Variants in LMO7 observed in about 807,000 individuals in gnomAD.
LMO7 encodes LIM domain 7, also known as LIM domain only protein 7.
LMO7 carries 120 observed loss-of-function variants against 206.5 expected under a neutral mutation model. The observed-to-expected ratio is 0.58, with a 90% CI of 0.50 to 0.68. LMO7 has a LOEUF of 0.68. LMO7 is among the 30% of genes least tolerant of loss of function. LMO7 has a pLI of 0.00. For synonymous variants in LMO7, 706 were observed against 681.5 expected, an observed-to-expected ratio of 1.04 and a Z score of -0.56; for missense variants, 1,959 against 1,957.9, an observed-to-expected ratio of 1.00 and a Z score of -0.01.
intron 1 of LMO7, among the ~76,000 whole-genome samples, chr13:75,673,564 A>G (rs998850462): frequency 6.6e-6 from 1 of 152,182 alleles, no homozygotes; most frequent in Non-Finnish European, 1.5e-5. Context: ...CATTATACTG[A>G]GGATGGACCT....
chr13:75,658,689 T>C (rs1374328625), intron 1 of LMO7, among the ~76,000 whole-genome samples: 3 of 152,116 alleles, frequency 2.0e-5, no homozygotes, highest in African/African-American at 7.2e-5. Context: ...CCTCACACCA[T>C]TCTCCTGCCT....
At position 75,636,580 on chromosome 13, in the gene LMO7, C is replaced by T; in HGVS notation, c.-78C>T. On this transcript the variant is annotated 5_prime_UTR_variant, in exon 1 of 31. Coordinates refer to ENST00000377534, the MANE Select transcript of LMO7 (RefSeq NM_001306080.2). ...TGGGAGGCCCGCGTGCCCTCCCCGCCCGTGGGGCCCAGACGCGCGGGGACA... is the reference window on the plus strand; with the variant it reads ...TGGGAGGCCCGCGTGCCCTCCCCGCTCGTGGGGCCCAGACGCGCGGGGACA... The T allele has an allele frequency of 6.5e-7, 1 of 1,539,222 alleles. No homozygotes were observed. Among genetic ancestry groups the T allele is most frequent in the Non-Finnish European group, 8.7e-7 (1 of 1,146,272 alleles).
At chr13:75,715,036 A>G (rs1305584609) in intron 2 of LMO7, among the ~76,000 whole-genome samples, 2 of 152,216 alleles carry the variant, frequency 1.3e-5, no homozygotes, top group Non-Finnish European at 2.9e-5. Context: ...TCTTTCAAAG[A>G]AGTAATTTTG....
chr13:75,726,295 A>C (rs2044469045), intron 2 of LMO7, among the ~76,000 whole-genome samples: 1 of 152,070 alleles, frequency 6.6e-6, no homozygotes, highest in African/African-American at 2.4e-5. Context: ...ATTTAGAAGC[A>C]AAATCGTACT....
chr13:75,652,545 A>T (rs2037682133), intron 1 of LMO7, among the ~76,000 whole-genome samples: 1 of 151,710 alleles, frequency 6.6e-6, no homozygotes, highest in Non-Finnish European at 1.5e-5. Context: ...ACTTAAATTC[A>T]TGCTGCCACT....
intron 7 of LMO7, 144 bp from the exon 8 acceptor site, chr13:75,804,145 C>G (rs1383316227): frequency 1.2e-6 from 1 of 814,312 alleles, no homozygotes; most frequent in East Asian, 2.5e-5. Flanking sequence ...ATCACAACTT[C>G]GTGACAAATT....
intron 27 of LMO7, among the ~76,000 whole-genome samples, chr13:75,851,669 G>A (rs1336581376): frequency 2.0e-5 from 3 of 152,172 alleles, no homozygotes; most frequent in African/African-American, 7.2e-5. Flanking sequence ...GTTCATTTTT[G>A]TAGGTAGTAC....
chr13:75,856,543 C>G lies in LMO7; in HGVS notation c.4808C>G (p.Ser1603Ter). ...GAGTGTGACCTCGGAGGCTCTTCCT[C>G]AGGAGCTGAAGTCAGGATCAGAAAC... ...ACECDLGGSS[S>*]GAEVRIRNHQ... Residue 1603 changes from serine to a stop codon, truncating the protein, a stop_gained, in exon 30 of 31, where the codon TCA (serine) becomes TGA (stop). Transcript: ENST00000377534. LOFTEE classifies it high-confidence loss of function. 6.2e-7 allele frequency: 1 copy of G among 1,612,142 alleles called. No individual in the cohort carries two copies. Among genetic ancestry groups the G allele is most frequent in the Non-Finnish European group, 8.5e-7 (1 of 1,178,612 alleles).
chr13:75,845,540 A>G (rs2059920511), intron 26 of LMO7, among the ~76,000 whole-genome samples, 161 bp downstream of exon 26: 1 of 152,204 alleles, frequency 6.6e-6, no homozygotes, highest in Non-Finnish European at 1.5e-5. Flanking sequence ...CAAAACAACT[A>G]TCTTGTGTTT....
chr13:75,693,964 C>T (rs1374764728), intron 1 of LMO7, among the ~76,000 whole-genome samples: 1 of 151,988 alleles, frequency 6.6e-6, no homozygotes, highest in Non-Finnish European at 1.5e-5. Flanking sequence ...ATGCCTTGAG[C>T]AGTAGTCTGT....
intron 3 of LMO7, among the ~76,000 whole-genome samples, chr13:75,737,792 A>AAAC (rs1555305784): frequency 2.3e-4 from 29 of 125,850 alleles, no homozygotes; most frequent in African/African-American, 7.4e-4. Flanking sequence ...TAAAAAAAAA[A>AAAC]AAAAAAAAAC....
chr13:75,786,497 C>T (rs1337169060), intron 4 of LMO7, among the ~76,000 whole-genome samples: 1 of 151,946 alleles, frequency 6.6e-6, no homozygotes, highest in Non-Finnish European at 1.5e-5. Flanking sequence ...GCCTCAGCCT[C>T]CCGAGTAGCT....
chr13:75,759,967 A>G (rs554517876), intron 3 of LMO7, among the ~76,000 whole-genome samples: 1 of 152,010 alleles, frequency 6.6e-6, no homozygotes, highest in Non-Finnish European at 1.5e-5. Flanking sequence ...CTGGGAGGCC[A>G]CCCCTTTACC....
intron 9 of LMO7, chr13:75,806,151 C>T (rs534918424): frequency 1.2e-5 from 12 of 1,003,556 alleles, no homozygotes; most frequent in Admixed American, 1.1e-4. Flanking sequence ...ATAGGCTAGA[C>T]GGCAACTGCC....
At chr13:75,796,609 T>C in intron 5 of LMO7, 27 bp from the exon 6 acceptor site, 1 of 1,401,360 alleles carries the variant, frequency 7.1e-7, no homozygotes, top group Non-Finnish European at 1.0e-6. Context: ...ACTGATCTTG[T>C]TGTTCATGGA....
chr13:75,785,522 CACA>C (rs2052289194), intron 4 of LMO7, among the ~76,000 whole-genome samples: 1 of 152,074 alleles, frequency 6.6e-6, no homozygotes, highest in Non-Finnish European at 1.5e-5. Flanking sequence ...TTAAACAGAT[CACA>C]ACTAGAAAAC....
intron 15 of LMO7, among the ~76,000 whole-genome samples, chr13:75,829,053 G>A (rs1304099051): frequency 2.6e-5 from 4 of 152,142 alleles, no homozygotes; most frequent in African/African-American, 9.7e-5. Flanking sequence ...TTGGGCGGAA[G>A]ATAATGAATT....
intron 1 of LMO7, among the ~76,000 whole-genome samples, chr13:75,712,195 C>T (rs908053371): frequency 2.0e-5 from 3 of 152,152 alleles, no homozygotes; most frequent in African/African-American, 7.2e-5. Flanking sequence ...TGGAGCCAAC[C>T]TGGGATTTAA....
chr13:75,731,610 G>A (rs1268275857), intron 3 of LMO7, among the ~76,000 whole-genome samples: 3 of 151,818 alleles, frequency 2.0e-5, no homozygotes. Context: ...CTTTTAATTG[G>A]AGCATTTAGT....
Sources: allele counts gnomAD v4.1 joint callset (sites outside exome capture counted in the v4.1 genomes callset), GRCh38; gene constraint gnomAD v4.1.1; transcripts MANE v1.5; gene names NCBI Gene and HGNC (gene_info 2026-07-23, HGNC 2026-07-21).